Variants in FAM135A observed in about 807,000 individuals in gnomAD.
FAM135A encodes family with sequence similarity 135 member A.
FAM135A carries 79 observed loss-of-function variants against 146.8 expected under a neutral mutation model. That is an observed-to-expected ratio of 0.54 (90% CI 0.45 to 0.65). The LOEUF (loss-of-function observed/expected upper bound fraction) is 0.65, where lower values mean the gene tolerates loss of function less well. Ranked by LOEUF, FAM135A falls within the 30% of genes least tolerant of loss-of-function variation. The pLI is 0.00. For synonymous variants in FAM135A, 562 were observed against 603.6 expected (o/e 0.93, Z 1.01); for missense variants, 1,623 against 1,758.2 (o/e 0.92, Z 1.38).
chr6:70,539,715 G>T (rs1049543139), intron 20 of FAM135A, among the ~76,000 whole-genome samples: 3 of 152,158 alleles, frequency 2.0e-5, no homozygotes, highest in Non-Finnish European at 4.4e-5. Flanking sequence ...CATTGACACG[G>T]CCGGGCGTGG....
chr6:70,500,664 G>T (rs1250955955), intron 11 of FAM135A, among the ~76,000 whole-genome samples: 1 of 152,190 alleles, frequency 6.6e-6, no homozygotes, highest in African/African-American at 2.4e-5. Context: ...TGGCGTTTTT[G>T]TGTGGGGGTC....
chr6:70,478,090 A>C (rs891719205), intron 8 of FAM135A, among the ~76,000 whole-genome samples: 4 of 152,142 alleles, frequency 2.6e-5, no homozygotes, highest in African/African-American at 9.7e-5. Context: ...ACTGTACATC[A>C]TACAGTGATA....
intron 20 of FAM135A, among the ~76,000 whole-genome samples, chr6:70,543,797 TAAG>T (rs935316823): frequency 1.3e-5 from 2 of 152,196 alleles, no homozygotes; most frequent in Non-Finnish European, 2.9e-5. Flanking sequence ...AATAGCAACA[TAAG>T]AATATCTAAA....
At chr6:70,438,719 A>T (rs1468834807) in intron 4 of FAM135A, among the ~76,000 whole-genome samples, 1 of 152,218 alleles carries the variant, frequency 6.6e-6, no homozygotes, top group African/African-American at 2.4e-5. Context: ...AGGAAAGAAA[A>T]AATCTCTTAT....
chr6:70,548,171 C>T (rs866349256), intron 20 of FAM135A, among the ~76,000 whole-genome samples: 1 of 152,058 alleles, frequency 6.6e-6, no homozygotes, highest in Non-Finnish European at 1.5e-5. Flanking sequence ...CTTCTGTAGC[C>T]AACACTGGTA....
Position 70,489,260 on chromosome 6 carries a change from G to A in FAM135A, c.824-1774G>A, listed in dbSNP as rs112852118. 4.2e-3 allele frequency among the ~76,000 whole-genome samples: 639 copies of A among 152,100 alleles called. 4 individuals carry two copies. Among genetic ancestry groups the A allele is most frequent in the African/African-American group, 0.015 (605 of 41,510 alleles). ...AGTCTGTTGCTGGTTTTTTAGTTTT[G>A]GAAAGCCCAATATTAGAAGCCACTG... On this transcript the variant is annotated intron_variant, in intron 10 of 21. Coordinates refer to ENST00000418814, the MANE Select transcript of FAM135A (RefSeq NM_001162529.3).
chr6:70,539,946 C>A (rs527812907), intron 20 of FAM135A, among the ~76,000 whole-genome samples: 2 of 151,988 alleles, frequency 1.3e-5, no homozygotes, highest in Admixed American at 6.5e-5. Context: ...CAGTGAGCCG[C>A]GATCATGCCA....
intron 10 of FAM135A, among the ~76,000 whole-genome samples, chr6:70,482,528 A>G (rs1039980609): frequency 6.6e-6 from 1 of 152,176 alleles, no homozygotes; most frequent in South Asian, 2.1e-4. Flanking sequence ...ATCAGATTGT[A>G]GGTACTTAGG....
chr6:70,480,692 T>G (rs1783529261), intron 8 of FAM135A, among the ~76,000 whole-genome samples: 1 of 152,202 alleles, frequency 6.6e-6, no homozygotes, highest in Admixed American at 6.5e-5. Flanking sequence ...GCAAGCAATG[T>G]CAAACATCTA....
intron 13 of FAM135A, 100 bp downstream of exon 13, chr6:70,522,686 A>G (rs1455443806): frequency 2.4e-5 from 21 of 860,706 alleles, no homozygotes; most frequent in Non-Finnish European, 3.4e-5. Context: ...TATTAACAAT[A>G]TAAGAAATTA....
At chr6:70,557,716 A>AAC (rs1159091910) in intron 21 of FAM135A, 403 of 151,026 alleles carry the variant, frequency 2.7e-3, no homozygotes, top group African/African-American at 9.6e-3. Context: ...AAAAAAAAAA[A>AAC]AACCCTGGTC....
chr6:70,484,770 A>G (rs1003060663), intron 10 of FAM135A, among the ~76,000 whole-genome samples: 1 of 152,232 alleles, frequency 6.6e-6, no homozygotes, highest in East Asian at 1.9e-4. Context: ...CCTGCTGTGC[A>G]GTCCAGTTCC....
intron 2 of FAM135A, among the ~76,000 whole-genome samples, chr6:70,424,786 G>T (rs971612513): frequency 5.9e-5 from 9 of 152,124 alleles, no homozygotes; most frequent in African/African-American, 2.2e-4. Flanking sequence ...ACTTTTTCTG[G>T]GACTATGGGC....
At chr6:70,498,969 G>A (rs1320793973) in intron 11 of FAM135A, among the ~76,000 whole-genome samples, 3 of 152,194 alleles carry the variant, frequency 2.0e-5, no homozygotes, top group African/African-American at 7.2e-5. Flanking sequence ...GGGGTGAAGA[G>A]TTCTGTAGAT....
intron 11 of FAM135A, among the ~76,000 whole-genome samples, chr6:70,492,304 C>T (rs1290516429): frequency 6.6e-6 from 1 of 151,516 alleles, no homozygotes; most frequent in Non-Finnish European, 1.5e-5. Flanking sequence ...GTAAAGTTAA[C>T]GTCATGCCAT....
At chr6:70,477,811 A>T (rs921138486) in intron 8 of FAM135A, among the ~76,000 whole-genome samples, 1 of 152,194 alleles carries the variant, frequency 6.6e-6, no homozygotes, top group Non-Finnish European at 1.5e-5. Context: ...AGATAACTGA[A>T]ATAATGACTT....
intron 5 of FAM135A, among the ~76,000 whole-genome samples, chr6:70,458,951 A>G (rs9446256): frequency 0.025 from 3,833 of 152,244 alleles, 165 homozygotes; most frequent in African/African-American, 0.088. Flanking sequence ...ATTATTAAGG[A>G]AAGGTATCCT....
chr6:70,457,722 G>A (rs977160273), intron 5 of FAM135A, among the ~76,000 whole-genome samples: 2 of 152,094 alleles, frequency 1.3e-5, no homozygotes, highest in Non-Finnish European at 1.5e-5. Context: ...AAAATTAACA[G>A]AAGTTATAAT....
chr6:70,413,697 C>T lies in FAM135A; in HGVS notation c.-225C>T, dbSNP rs958299774. On this transcript the variant is annotated 5_prime_UTR_variant, in exon 1 of 22. Transcript: ENST00000418814. ...AGGCGGGGGAAGAGGCCGAGCCGGGCGAGAGGTAACCCCCTTACTGTCCCC... is the reference window on the plus strand; with the variant it reads ...AGGCGGGGGAAGAGGCCGAGCCGGGTGAGAGGTAACCCCCTTACTGTCCCC... 3 of 579,354 alleles carry T rather than the reference C, an allele frequency of 5.2e-6. No homozygotes were observed. The highest frequency in any genetic ancestry group is 2.0e-5 in the African/African-American group (1 of 49,418). The allele number at this position is 579,354 out of a possible 1,614,324, so 35.9% of individuals were successfully genotyped here. A position where few individuals can be genotyped will look rare whatever the true frequency, so the allele number is the denominator to read the frequency against.
Sources: gnomAD v4.1 joint callset for allele counts (sites outside exome capture counted in the v4.1 genomes callset) on GRCh38, gnomAD v4.1.1 for gene constraint, MANE v1.5 for transcripts, NCBI Gene and HGNC (gene_info 2026-07-23, HGNC 2026-07-21) for gene names.